Variants in FADS3 observed in about 807,000 individuals in gnomAD.
The protein encoded by FADS3 is fatty acid desaturase 3.
FADS3 carries 30 observed loss-of-function variants against 60.4 expected under a neutral mutation model. The observed-to-expected ratio is 0.50, with a 90% CI of 0.37 to 0.67. The LOEUF is 0.67. Among genes scored for constraint, FADS3 ranks in the 30% least tolerant of loss-of-function variants. The probability of loss-of-function intolerance (pLI) is 0.00; values close to 1 mark genes in which losing one functional copy is unlikely to be tolerated. For synonymous variants in FADS3, 234 were observed against 249.3 expected (o/e 0.94, Z 0.58); for missense variants, 432 against 598.3 (o/e 0.72, Z 2.90).
rs796929223 is a variant in FADS3, at chr11:61,873,742, G to T, written c.*72C>A. On this transcript the variant is annotated 3_prime_UTR_variant, in exon 12 of 12. Transcript: ENST00000278829. ...CAGGCTGGCCAGTGGAGGGGTGAGG[G>T]TATCGATCCCGCCGGGGGCTGGCTT... The T allele has an allele frequency of 1.2e-5, 13 of 1,103,096 alleles. No individual in the cohort carries two copies. The highest frequency in any genetic ancestry group is 1.1e-4 in the African/African-American group (7 of 64,960). 68.3% of individuals were successfully genotyped at this position (1,103,096 alleles called of 1,614,324 possible).
At chr11:61,884,507 C>T (rs1292752479) in intron 1 of FADS3, among the ~76,000 whole-genome samples, 2 of 152,174 alleles carry the variant, frequency 1.3e-5, no homozygotes, top group Non-Finnish European at 2.9e-5. Context: ...CTGTGCTTGT[C>T]GCCACTCCTG....
chr11:61,881,923 C>T (rs1591196532), intron 1 of FADS3: 1 of 151,752 alleles, frequency 6.6e-6, no homozygotes, highest in African/African-American at 2.4e-5. Context: ...ATCTCACCCC[C>T]TCTGGACATG....
At position 61,877,654 on chromosome 11, in the gene FADS3, T is replaced by A; in HGVS notation, c.809-67A>T. 1 of 1,414,114 alleles carries A rather than the reference T, an allele frequency of 7.1e-7. No homozygotes were observed. The highest frequency in any genetic ancestry group is 9.9e-7 in the Non-Finnish European group (1 of 1,014,278). 87.6% of individuals were successfully genotyped at this position (1,414,114 alleles called of 1,614,324 possible). ...CTGCCAAGGTGAGTGGGCGCCAGAG[T>A]GAGGGGCTCTGTTACTCCAGGAATG... On this transcript the variant is annotated intron_variant, in intron 6 of 11. Coordinates refer to ENST00000278829, the MANE Select transcript of FADS3 (RefSeq NM_021727.5). The surrounding 1 kb of genome is among the most constrained non-coding windows in gnomAD (Gnocchi z 4.7).
Position 61,876,345 on chromosome 11 carries a change from C to A in FADS3, c.1080+14G>T, listed in dbSNP as rs964181995. On this transcript the variant is annotated intron_variant, in intron 9 of 11. Transcript: ENST00000278829. The surrounding 1 kb of genome is among the most constrained non-coding windows in gnomAD (Gnocchi z 5.7). ...CCCACCCCACCCAGGATGGGCCCCA[C>A]CCCTGCTGCCCACCTGAGAGCTGAC... 4.3e-6 allele frequency: 7 copies of A among 1,609,776 alleles called. No homozygotes were observed. The highest frequency in any genetic ancestry group is 5.9e-6 in the Non-Finnish European group (7 of 1,177,712).
rs554678766 is a variant in FADS3 at position 61,884,281 on chromosome 11, G to A, written c.214-4130C>T. Among the ~76,000 whole-genome samples, 241 of 152,268 alleles carry A rather than the reference G, an allele frequency of 1.6e-3. 1 individual carries two copies. Among genetic ancestry groups the A allele is most frequent in the African/African-American group, 5.5e-3 (229 of 41,540 alleles). On this transcript the variant is annotated intron_variant, in intron 1 of 11. Transcript: ENST00000278829. ...AATGAGAACACATGGACACAGGGAAGGGAACATCACACACCGGGGCTTACT... is the reference window on the plus strand; with the variant it reads ...AATGAGAACACATGGACACAGGGAAAGGAACATCACACACCGGGGCTTACT...
At position 61,877,996 on chromosome 11, in the gene FADS3, G is replaced by T; in HGVS notation, c.808+159C>A. The T allele has an allele frequency of 2.9e-6, 2 of 691,544 alleles. No homozygotes were observed. Among genetic ancestry groups the T allele is most frequent in the East Asian group, 5.0e-5 (2 of 40,068 alleles). 42.8% of individuals were successfully genotyped at this position (691,544 alleles called of 1,614,324 possible). On this transcript the variant is annotated intron_variant, in intron 6 of 11. Transcript: ENST00000278829. This position sits in a 1 kb window ranked among gnomAD's most constrained non-coding sequence, Gnocchi z 4.7. ...CTGGGGCAAAGGCATGCTGCTGGGAGAGTGTGTACAGACTGCAGAGGCTGG... is the reference window on the plus strand; with the variant it reads ...CTGGGGCAAAGGCATGCTGCTGGGATAGTGTGTACAGACTGCAGAGGCTGG...
rs537351047 is a variant in FADS3 at position 61,879,528 on chromosome 11, C to T, written c.325-19G>A. On this transcript the variant is annotated intron_variant, in intron 2 of 11. Coordinates refer to ENST00000278829, the MANE Select transcript of FADS3 (RefSeq NM_021727.5). The stretch of plus-strand genomic sequence containing the variant: ...GCTGCGCCTGCCATAGCAGAGGGGC[C>T]GATCAGCCAAGGAAGAAATTCCTCC... 13 of 1,579,222 alleles carry T rather than the reference C, an allele frequency of 8.2e-6. No homozygotes were observed. The highest frequency in any genetic ancestry group is 2.7e-5 in the African/African-American group (2 of 74,524).
Position 61,880,107 on chromosome 11 carries a change from C to G in FADS3, c.258G>C (p.Lys86Asn). The change falls in exon 2 of 12, where the codon AAG (lysine) becomes AAC (asparagine). Residue 86 changes from lysine (K) to asparagine (N), a missense_variant. Around this residue, in one of 5 missense-constraint regions of FADS3, gnomAD observed 167 missense variants for 188.8 expected, o/e 0.88. Coordinates refer to ENST00000278829, the MANE Select transcript of FADS3 (RefSeq NM_021727.5). ...CTCCAATCAACAGGGGCTGTAGGAA[C>G]TTGCGCACAAAATTGAGATCTTGAT... Reference protein sequence around the residue: ...AFHQDLNFVRKFLQPLLIGEL... With the variant: ...AFHQDLNFVRNFLQPLLIGEL... 2 of 1,614,160 alleles carry G rather than the reference C, an allele frequency of 1.2e-6. No individual in the cohort carries two copies. Among genetic ancestry groups the G allele is most frequent in the Non-Finnish European group, 1.7e-6 (2 of 1,180,000 alleles).
At position 61,873,799 on chromosome 11, in the gene FADS3, G is replaced by A. The variant is rs541889537; in HGVS notation, c.*15C>T. 19 of 1,607,680 alleles carry A rather than the reference G, an allele frequency of 1.2e-5. 1 individual carries two copies. In the Admixed American group the frequency reaches 1.8e-4, roughly 16 times the overall value. On this transcript the variant is annotated 3_prime_UTR_variant, in exon 12 of 12. Transcript: ENST00000278829. ...TGGTGCCCTGAGCCCTTCTCTGCCC[G>A]CCTGGGTGTTGCCTTCACTGATGGA...
At position 61,876,852 on chromosome 11, in the gene FADS3, A is replaced by G. The variant is rs1315538646; in HGVS notation, c.983+14T>C. 5 of 1,593,968 alleles carry G rather than the reference A, an allele frequency of 3.1e-6. No homozygotes were observed. The highest frequency in any genetic ancestry group is 4.3e-6 in the Non-Finnish European group (5 of 1,170,440). On this transcript the variant is annotated intron_variant, in intron 8 of 11. Transcript: ENST00000278829. This position sits in a 1 kb window ranked among gnomAD's most constrained non-coding sequence, Gnocchi z 5.7. The stretch of plus-strand genomic sequence containing the variant: ...CCTGTCGCCTGTGTGTGACCTCGCC[A>G]CTCCCTGCCATACCTGACAGCAACA...
intron 11 of FADS3, among the ~76,000 whole-genome samples, chr11:61,874,206 A>T (rs1390587473): frequency 6.6e-6 from 1 of 152,194 alleles, no homozygotes; most frequent in African/African-American, 2.4e-5. Flanking sequence ...GACAGAGAGG[A>T]CGTGGAACCT....
At chr11:61,881,657 T>A (rs1478370086) in intron 1 of FADS3, 1 of 151,880 alleles carries the variant, frequency 6.6e-6, no homozygotes, top group South Asian at 2.1e-4. Context: ...AGCTGGTGAG[T>A]CTTAAAACGG....
chr11:61,873,833 T>C lies in FADS3; in HGVS notation c.1319A>G (p.Asp440Gly). 4 of 1,575,268 alleles carry C rather than the reference T, an allele frequency of 2.5e-6. No homozygotes were observed. The highest frequency in any genetic ancestry group is 3.4e-6 in the Non-Finnish European group (4 of 1,159,810). The change falls in exon 12 of 12, where the codon GAC becomes GGC. Residue 440 changes from aspartate to glycine, a missense_variant. By Grantham distance (94) the Asp-to-Gly change is moderately conservative. Around this residue, in one of 5 missense-constraint regions of FADS3, gnomAD observed 63 missense variants for 64.5 expected, o/e 0.98. Transcript: ENST00000278829. ...TTGCCTTCACTGATGGAGGTAGGCG[T>C]CCAGCCAGATGTCACCAGACTTCTT... ...SLKKSGDIWL[D>G]AYLHQ
intron 2 of FADS3, 117 bp downstream of exon 2, chr11:61,879,924 C>T (rs1163773357): frequency 5.1e-6 from 4 of 791,494 alleles, no homozygotes; most frequent in Non-Finnish European, 8.0e-6. Context: ...AGCCCTGGCT[C>T]TGCATCCCCT....
chr11:61,877,715 A>G lies in FADS3; in HGVS notation c.809-128T>C. 2 of 803,436 alleles carry G rather than the reference A, an allele frequency of 2.5e-6. No individual in the cohort carries two copies. The highest frequency in any genetic ancestry group is 4.1e-6 in the Non-Finnish European group (2 of 492,136). The allele number at this position is 803,436 out of a possible 1,614,324, so 49.8% of individuals were successfully genotyped here. ...GTTGGTGCTGGTCACATCCAGCTGA[A>G]TGACCCCATATCACCCCCAATTCTG... On this transcript the variant is annotated intron_variant, in intron 6 of 11. Transcript: ENST00000278829. This position sits in a 1 kb window ranked among gnomAD's most constrained non-coding sequence, Gnocchi z 4.7.
intron 1 of FADS3, chr11:61,880,943 C>G (rs1319941714): frequency 6.6e-6 from 1 of 152,194 alleles, no homozygotes; most frequent in Non-Finnish European, 1.5e-5. Flanking sequence ...CTCAGTTGAT[C>G]TGCCCACCTT....
At chr11:61,892,116 C>G (rs938281877), upstream of FADS3, 1 of 152,294 alleles carries the variant, frequency 6.6e-6, no homozygotes, top group Non-Finnish European at 1.5e-5. Flanking sequence ...CCTCCGCCCT[C>G]GGCGCTGCAG....
At position 61,873,770 on chromosome 11, in the gene FADS3, T is replaced by G; in HGVS notation, c.*44A>C. ...TCGATCCCGCCGGGGGCTGGCTTGGTTGCTGGTGCCCTGAGCCCTTCTCTG... is the reference window on the plus strand; with the variant it reads ...TCGATCCCGCCGGGGGCTGGCTTGGGTGCTGGTGCCCTGAGCCCTTCTCTG... On this transcript the variant is annotated 3_prime_UTR_variant, in exon 12 of 12. Transcript: ENST00000278829. 6.5e-7 allele frequency: 1 copy of G among 1,549,890 alleles called. No homozygotes were observed. Among genetic ancestry groups the G allele is most frequent in the Non-Finnish European group, 8.8e-7 (1 of 1,131,216 alleles).
intron 1 of FADS3, among the ~76,000 whole-genome samples, chr11:61,885,646 G>A (rs1174579133): frequency 6.6e-6 from 1 of 152,212 alleles, no homozygotes; most frequent in Non-Finnish European, 1.5e-5. Context: ...CCACCCCAGA[G>A]ACACAGCAGG....
Sources: gnomAD v4.1 joint callset for allele counts (sites outside exome capture counted in the v4.1 genomes callset) on GRCh38, gnomAD v4.1.1 for gene constraint, gnomAD v4.1.1 regional missense constraint, Gnocchi (gnomAD v3.1) non-coding constraint, MANE v1.5 for transcripts, NCBI Gene and HGNC (gene_info 2026-07-23, HGNC 2026-07-21) for gene names.